Variants in DHRS7 observed in about 807,000 individuals in gnomAD.
The protein encoded by DHRS7 is dehydrogenase/reductase 7.
In DHRS7, 34 loss-of-function variants were observed where a neutral mutation model predicts 38.9. The ratio of observed to expected loss-of-function variants is 0.87; its 90% CI spans 0.66 to 1.16. The LOEUF (loss-of-function observed/expected upper bound fraction) is 1.16. Ranked by LOEUF, DHRS7 falls within the 50% of genes most tolerant of loss-of-function variation. The pLI is 0.00. For synonymous variants in DHRS7, 158 were observed against 153.1 expected (o/e 1.03, Z -0.24); for missense variants, 421 against 407.0 (o/e 1.03, Z -0.30).
Position 60,161,438 on chromosome 14 carries a change from AGAAAT to A in DHRS7, c.133+3734_133+3738del, listed in dbSNP as rs1170862482. Among the ~76,000 whole-genome samples, 1 of 152,216 alleles carries A rather than the reference AGAAAT, an allele frequency of 6.6e-6. No homozygotes were observed. The highest frequency in any genetic ancestry group is 1.5e-5 in the Non-Finnish European group (1 of 68,038). On this transcript the variant is annotated intron_variant, in intron 1 of 6. Transcript: ENST00000557185. The surrounding 1 kb of genome is among the most constrained non-coding windows in gnomAD (Gnocchi z 4.2). ...AAAGCTGTTTCAGGAAGAAAAGAAA[AGAAAT>A]GAAACCTGTCTTCTAAATGACAATC...
chr14:60,148,456 G>T lies in DHRS7; in HGVS notation c.972+897C>A, dbSNP rs1170371485. The stretch of plus-strand genomic sequence containing the variant: ...GTCTATAAATTAAATTCTTTTGAGG[G>T]TCACAATTTCTCAGAAATGGTTAAT... On this transcript the variant is annotated intron_variant, in intron 6 of 6. Coordinates refer to ENST00000557185, the MANE Select transcript of DHRS7 (RefSeq NM_016029.4). The surrounding 1 kb of genome is among the most constrained non-coding windows in gnomAD (Gnocchi z 4.8). 6.6e-6 allele frequency among the ~76,000 whole-genome samples: 1 copy of T among 152,110 alleles called. No individual in the cohort carries two copies. Among genetic ancestry groups the T allele is most frequent in the South Asian group, 2.1e-4 (1 of 4,826 alleles).
chr14:60,157,052 C>G (rs1896674675), intron 1 of DHRS7, among the ~76,000 whole-genome samples: 1 of 152,104 alleles, frequency 6.6e-6, no homozygotes, highest in African/African-American at 2.4e-5. Context: ...TGTTATTTAT[C>G]AAAAATATCA....
In DHRS7 at chr14:60,156,072, T is replaced by C; in HGVS notation, c.214A>G (p.Lys72Glu). Residue 72 changes from lysine to glutamate, a missense_variant, in exon 2 of 7, where the codon AAA becomes GAA. By Grantham distance (56) the Lys-to-Glu change is moderately conservative. Transcript: ENST00000557185. ...IGEELAYQLS[K>E]LGVSLVLSAR... ...GACAGCACAAGAGAAACTCCTAGTT[T>C]AGACAACTGGTAAGCCAGCTCCTCA... is the stretch of plus-strand genomic sequence containing the variant. The C allele has an allele frequency of 3.1e-6, 5 of 1,607,182 alleles. No individual in the cohort carries two copies. The highest frequency in any genetic ancestry group is 1.3e-5 in the African/African-American group (1 of 74,608).
intron 1 of DHRS7, chr14:60,159,090 T>C (rs528530798): frequency 2.9e-5 from 13 of 449,366 alleles, no homozygotes; most frequent in Non-Finnish European, 4.0e-5. Flanking sequence ...ACGACAAATA[T>C]TGACATGGAT....
intron 1 of DHRS7, among the ~76,000 whole-genome samples, chr14:60,163,153 G>C (rs569478626): frequency 3.8e-4 from 58 of 151,058 alleles, no homozygotes; most frequent in Admixed American, 7.9e-4. Flanking sequence ...CTGGCCAACA[G>C]AGCGAGACTC....
Position 60,154,062 on chromosome 14 carries a change from T to C in DHRS7, c.290A>G (p.Asn97Ser), listed in dbSNP as rs906334911. 1.2e-6 allele frequency: 2 copies of C among 1,613,240 alleles called. No individual in the cohort carries two copies. The highest frequency in any genetic ancestry group is 1.7e-5 in the Admixed American group (1 of 60,002). ...LERVKRRCLENGNLKEKDILV... is the reference protein window; with the variant it reads ...LERVKRRCLESGNLKEKDILV... Reference sequence around the variant, plus strand: ...TATATCTTTTTCTTTTAAATTGCCATTCTCTAAATAAAGACAAAAATTTGT... The same window carrying C: ...TATATCTTTTTCTTTTAAATTGCCACTCTCTAAATAAAGACAAAAATTTGT... The change falls in exon 3 of 7, where the codon AAT becomes AGT. Residue 97 changes from asparagine (N) to serine (S), a missense_variant. By Grantham distance (46) the Asn-to-Ser change is conservative (BLOSUM62 1). Coordinates refer to ENST00000557185, the MANE Select transcript of DHRS7 (RefSeq NM_016029.4).
At position 60,144,981 on chromosome 14, in the gene DHRS7, CTTAAAGATT is replaced by C. The variant is rs762984902; in HGVS notation, c.996_1004del (p.Ile333_Lys335del). The C allele has an allele frequency of 3.2e-5, 51 of 1,603,138 alleles. No homozygotes were observed. The highest frequency in any genetic ancestry group is 4.2e-5 in the Non-Finnish European group (49 of 1,177,030). Reference sequence around the variant, plus strand: ...GGTGCTCTTTTCAGTCATGTTTTGTCTTAAAGATTTTAAAATAAGAAGAGTCTGCATCCT... The same window carrying C: ...GGTGCTCTTTTCAGTCATGTTTTGTCTTAAAATAAGAAGAGTCTGCATCCT... On this transcript the variant is annotated inframe_deletion, in exon 7 of 7. Coordinates refer to ENST00000557185, the MANE Select transcript of DHRS7 (RefSeq NM_016029.4).
intron 2 of DHRS7, 52 bp from the exon 3 acceptor site, chr14:60,154,117 T>C: frequency 1.4e-6 from 2 of 1,399,902 alleles, no homozygotes; most frequent in Non-Finnish European, 2.0e-6. Context: ...TCAGTCAAGC[T>C]CCTTGCTACT....
intron 5 of DHRS7, 134 bp downstream of exon 5, chr14:60,149,931 C>G (rs1330246211): frequency 2.3e-6 from 2 of 861,772 alleles, no homozygotes; most frequent in African/African-American, 1.8e-5. Context: ...TTCATAATGG[C>G]AGGAGTTTTG....
chr14:60,155,836 C>T (rs575405200), intron 2 of DHRS7, 164 bp downstream of exon 2: 59 of 579,262 alleles, frequency 1.0e-4, no homozygotes, highest in African/African-American at 1.5e-4. Context: ...AAGAAAAAGG[C>T]GAGGGCAGCC....
At chr14:60,166,632 C>G (rs1395699706), upstream of DHRS7, among the ~76,000 whole-genome samples, 3 of 136,872 alleles carry the variant, frequency 2.2e-5, no homozygotes, top group Non-Finnish European at 4.5e-5. Context: ...ATTATAAACC[C>G]CCTACCTGCC....
Position 60,148,406 on chromosome 14 carries a change from T to C in DHRS7, c.972+947A>G, listed in dbSNP as rs1295111593. 6.6e-6 allele frequency among the ~76,000 whole-genome samples: 1 copy of C among 152,196 alleles called. No individual in the cohort carries two copies. Among genetic ancestry groups the C allele is most frequent in the Non-Finnish European group, 1.5e-5 (1 of 68,038 alleles). On this transcript the variant is annotated intron_variant, in intron 6 of 6. Coordinates refer to ENST00000557185, the MANE Select transcript of DHRS7 (RefSeq NM_016029.4). This position sits in a 1 kb window ranked among gnomAD's most constrained non-coding sequence, Gnocchi z 4.8. ...CTGCATAATCATCTATAATTTTTGG[T>C]TTACTTCATTACATTTCCTGTACTG...
Position 60,150,157 on chromosome 14 carries a change from C to T in DHRS7, c.664G>A (p.Ala222Thr), listed in dbSNP as rs1446641883. 3 of 1,498,086 alleles carry T rather than the reference C, an allele frequency of 2.0e-6. No homozygotes were observed. The highest frequency in any genetic ancestry group is 2.5e-5 in the East Asian group (1 of 39,534). 92.8% of individuals were successfully genotyped at this position (1,498,086 alleles called of 1,614,324 possible). Residue 222 changes from alanine (A) to threonine (T), a missense_variant, in exon 5 of 7, where the codon GCC (alanine) becomes ACC (threonine). Ala to Thr is a moderately conservative substitution (Grantham distance 58, BLOSUM62 0). Transcript: ENST00000557185. Reference sequence around the variant, plus strand: ...GAAACTATTATACCTGGGTATGTGGCAAGTTCTGTTCGAAGGCCATTAAAA... The same window carrying T: ...GAAACTATTATACCTGGGTATGTGGTAAGTTCTGTTCGAAGGCCATTAAAA... Reference protein sequence around the residue: ...GFFNGLRTELATYPGIIVSNI... With the variant: ...GFFNGLRTELTTYPGIIVSNI...
upstream of DHRS7, chr14:60,165,421 C>G (rs577903394): frequency 1.4e-6 from 2 of 1,425,178 alleles, no homozygotes; most frequent in East Asian, 2.7e-5. The surrounding 1 kb of genome is among the most constrained non-coding windows in gnomAD (Gnocchi z 4.6). Context: ...GCCGCACTGC[C>G]CCGGCTCCGC....
rs1453890345 is a variant in DHRS7 at position 60,146,625 on chromosome 14, A to G, written c.973-1612T>C. On this transcript the variant is annotated intron_variant, in intron 6 of 6. Transcript: ENST00000557185. This position sits in a 1 kb window ranked among gnomAD's most constrained non-coding sequence, Gnocchi z 4.9. ...ATTATTCATAATAGCCAAGATATGG[A>G]AACAACCTAAGTGTCCATTAGTGAA... 2 of 152,186 alleles carry G rather than the reference A, an allele frequency of 1.3e-5. No homozygotes were observed. The highest frequency in any genetic ancestry group is 4.8e-5 in the African/African-American group (2 of 41,432). The allele number at this position is 152,186 out of a possible 1,614,324, so 9.4% of individuals were successfully genotyped here.
At chr14:60,166,407 G>A, upstream of DHRS7, 4 of 264,788 alleles carry the variant, frequency 1.5e-5, no homozygotes, top group Non-Finnish European at 2.3e-5. Context: ...AGAGTACTTT[G>A]TGTGCTCTGA....
chr14:60,159,629 AT>A, intron 1 of DHRS7, among the ~76,000 whole-genome samples: 1 of 150,566 alleles, frequency 6.6e-6, no homozygotes, highest in East Asian at 1.9e-4. Flanking sequence ...GTCTTTTATT[AT>A]AGGCTTAGTA....
chr14:60,159,819 T>G (rs1896727291), intron 1 of DHRS7, among the ~76,000 whole-genome samples: 1 of 152,208 alleles, frequency 6.6e-6, no homozygotes, highest in Non-Finnish European at 1.5e-5. Context: ...TTTTAATACT[T>G]AATCATCTCT....
upstream of DHRS7, chr14:60,166,300 G>A (rs1180912248): frequency 1.0e-6 from 1 of 985,216 alleles, no homozygotes; most frequent in East Asian, 1.1e-4. Context: ...CCCAGTTAGA[G>A]TGCATAGAAA....
Sources: gnomAD v4.1 joint callset for allele counts (sites outside exome capture counted in the v4.1 genomes callset) on GRCh38, gnomAD v4.1.1 for gene constraint, Gnocchi (gnomAD v3.1) non-coding constraint, MANE v1.5 for transcripts, NCBI Gene and HGNC (gene_info 2026-07-23, HGNC 2026-07-21) for gene names.